Variants in PPIAL4G observed in about 807,000 individuals in gnomAD.
PPIAL4G encodes peptidylprolyl isomerase A like 4G, also known as peptidyl-prolyl cis-trans isomerase A-like 4G.
Under a neutral mutation model 7.8 loss-of-function variants are expected in PPIAL4G, and 3 were observed. The ratio of observed to expected loss-of-function variants is 0.39; its 90% CI spans 0.18 to 1.00. PPIAL4G has a LOEUF of 1.00. Among genes scored for constraint, PPIAL4G ranks in the 50% least tolerant of loss-of-function variants. PPIAL4G has a pLI of 0.37. For synonymous variants in PPIAL4G, 42 were observed against 73.3 expected, an observed-to-expected ratio of 0.57 and a Z score of 2.18; for missense variants, 133 against 208.6, an observed-to-expected ratio of 0.64 and a Z score of 2.23.
At position 148,483,128 on chromosome 1, in the gene PPIAL4G, C is replaced by T; in HGVS notation, c.125G>A (p.Gly42Glu). The change falls in exon 1 of 1, where the codon GGA (glycine) becomes GAA (glutamate). Residue 42 changes from glycine to glutamate, a missense_variant. Physicochemically the swap from Gly to Glu is moderately conservative, Grantham distance 98 (BLOSUM62 -2). Coordinates refer to ENST00000419275, the MANE Select transcript of PPIAL4G (RefSeq NM_001123068.3). ...ACCCTTATAACGAAATCCTTTCTCTCCAGTGCTCAGAGCACGAAAGTTTTC... is the reference window on the plus strand; with the variant it reads ...ACCCTTATAACGAAATCCTTTCTCTTCAGTGCTCAGAGCACGAAAGTTTTC... ...TAENFRALST[G>E]EKGFRYKGSC... 1 of 1,613,678 alleles carries T rather than the reference C, an allele frequency of 6.2e-7. No individual in the cohort carries two copies. Among genetic ancestry groups the T allele is most frequent in the Non-Finnish European group, 8.5e-7 (1 of 1,179,868 alleles).
chr1:148,483,285 C>A lies in PPIAL4G; in HGVS notation c.-33G>T. 6.2e-7 allele frequency: 1 copy of A among 1,612,944 alleles called. No homozygotes were observed. Among genetic ancestry groups the A allele is most frequent in the South Asian group, 1.1e-5 (1 of 91,020 alleles). On this transcript the variant is annotated 5_prime_UTR_variant, in exon 1 of 1. Coordinates refer to ENST00000419275, the MANE Select transcript of PPIAL4G (RefSeq NM_001123068.3). ...AGTACAGGGCTCACAGCGATGGCGG[C>A]GTCTGCAAAGATAACCACTGATCTT...
chr1:148,483,271 C>G lies in PPIAL4G; in HGVS notation c.-19G>C. The G allele has an allele frequency of 6.2e-7, 1 of 1,613,384 alleles. No individual in the cohort carries two copies. Among genetic ancestry groups the G allele is most frequent in the Non-Finnish European group, 8.5e-7 (1 of 1,179,914 alleles). ...TGACCATGGCTGATAGTACAGGGCT[C>G]ACAGCGATGGCGGCGTCTGCAAAGA... On this transcript the variant is annotated 5_prime_UTR_variant, in exon 1 of 1. Transcript: ENST00000419275.
In PPIAL4G at chr1:148,483,035, G is replaced by A. The variant is rs1384539206; in HGVS notation, c.218C>T (p.Thr73Ile). ...CTCCCCATAGATGGACTTGTCACCGGTGCCATTAGGGTGTGTGAAGTCACC... is the reference window on the plus strand; with the variant it reads ...CTCCCCATAGATGGACTTGTCACCGATGCCATTAGGGTGTGTGAAGTCACC... ...QGGDFTHPNG[T>I]GDKSIYGEKF... Residue 73 changes from threonine to isoleucine, a missense_variant, in exon 1 of 1, where the codon ACC (threonine) becomes ATC (isoleucine). Around this residue, in one of 2 missense-constraint regions of PPIAL4G, gnomAD observed 105 missense variants for 107.1 expected, o/e 0.98. Coordinates refer to ENST00000419275, the MANE Select transcript of PPIAL4G (RefSeq NM_001123068.3). 1.7e-5 allele frequency: 28 copies of A among 1,613,168 alleles called. No homozygotes were observed. The highest frequency in any genetic ancestry group is 1.7e-5 in the Admixed American group (1 of 60,006).
At position 148,482,622 on chromosome 1, in the gene PPIAL4G, A is replaced by T. The variant is rs1405636960; in HGVS notation, c.*136T>A. 8.3e-7 allele frequency: 1 copy of T among 1,201,842 alleles called. No homozygotes were observed. 74.4% of individuals were successfully genotyped at this position (1,201,842 alleles called of 1,614,324 possible). On this transcript the variant is annotated 3_prime_UTR_variant, in exon 1 of 1. Coordinates refer to ENST00000419275, the MANE Select transcript of PPIAL4G (RefSeq NM_001123068.3). ...GCTAGGCATGGAAGGGAACAAGGAA[A>T]ACATGGAACCCAAAGGGAACTGCAG...
Position 148,483,227 on chromosome 1 carries a change from T to C in PPIAL4G, c.26A>G (p.Asp9Gly). 6.2e-7 allele frequency: 1 copy of C among 1,613,778 alleles called. No homozygotes were observed. Among genetic ancestry groups the C allele is most frequent in the Non-Finnish European group, 8.5e-7 (1 of 1,179,874 alleles). The change falls in exon 1 of 1, where the codon GAC becomes GGC. Residue 9 changes from aspartate (D) to glycine (G), a missense_variant. By Grantham distance (94) the Asp-to-Gly change is moderately conservative (BLOSUM62 -1). This residue lies in a region of PPIAL4G where 105 missense variants were observed against 107.1 expected (regional missense o/e 0.98). Transcript: ENST00000419275. Reference sequence around the variant, plus strand: ...CAAGGGCTTGCCGTCGACGGTGATGTCAAAAAAGATGACGGAGTTGACCAT... The same window carrying C: ...CAAGGGCTTGCCGTCGACGGTGATGCCAAAAAAGATGACGGAGTTGACCAT... MVNSVIFF[D>G]ITVDGKPLGR...
In PPIAL4G at chr1:148,483,247, G is replaced by A. The variant is rs1419501700; in HGVS notation, c.6C>T (p.Val2=). The change falls in exon 1 of 1, where the codon GTC becomes GTT. Residue 2 remains valine, a synonymous_variant. Coordinates refer to ENST00000419275, the MANE Select transcript of PPIAL4G (RefSeq NM_001123068.3). M[V]NSVIFFDITV... ...TGATGTCAAAAAAGATGACGGAGTT[G>A]ACCATGGCTGATAGTACAGGGCTCA... 2.5e-6 allele frequency: 4 copies of A among 1,613,572 alleles called. No homozygotes were observed. In the South Asian group the frequency reaches 3.3e-5, roughly 13 times the overall value.
In PPIAL4G at chr1:148,483,302, A is replaced by G. The variant is rs1381880160; in HGVS notation, c.-50T>C. On this transcript the variant is annotated 5_prime_UTR_variant, in exon 1 of 1. Coordinates refer to ENST00000419275, the MANE Select transcript of PPIAL4G (RefSeq NM_001123068.3). ...GATGGCGGCGTCTGCAAAGATAACC[A>G]CTGATCTTTTTACTGTCTTTATAGT... 3.7e-6 allele frequency: 6 copies of G among 1,612,098 alleles called. No homozygotes were observed. In the African/African-American group the frequency reaches 5.4e-5, roughly 14 times the overall value.
Position 148,483,046 on chromosome 1 carries a change from G to T in PPIAL4G, c.207C>A (p.His69Gln). The T allele has an allele frequency of 1.9e-6, 3 of 1,613,294 alleles. No individual in the cohort carries two copies. Among genetic ancestry groups the T allele is most frequent in the East Asian group, 2.2e-5 (1 of 44,876 alleles). The part of the protein sequence containing the change: ...GFMCQGGDFT[H>Q]PNGTGDKSIY... ...TGGACTTGTCACCGGTGCCATTAGG[G>T]TGTGTGAAGTCACCACCCTGACACA... Residue 69 changes from histidine to glutamine, a missense_variant, in exon 1 of 1, where the codon CAC becomes CAA. Physicochemically the swap from His to Gln is conservative, Grantham distance 24. Transcript: ENST00000419275.
chr1:148,482,940 G>A lies in PPIAL4G; in HGVS notation c.313C>T (p.Pro105Ser), dbSNP rs1651919344. The A allele has an allele frequency of 1.2e-6, 2 of 1,610,628 alleles. No individual in the cohort carries two copies. Among genetic ancestry groups the A allele is most frequent in the East Asian group, 2.2e-5 (1 of 44,856 alleles). ...AAAAACTGGGAACCATTTGTGTTGGGTCCAGCATTTGCCATGGACAAGATG... is the reference window on the plus strand; with the variant it reads ...AAAAACTGGGAACCATTTGTGTTGGATCCAGCATTTGCCATGGACAAGATG... ...SGILSMANAG[P>S]NTNGSQFFIC... Residue 105 changes from proline to serine, a missense_variant, in exon 1 of 1, where the codon CCC becomes TCC. Transcript: ENST00000419275.
In PPIAL4G at chr1:148,482,579, A is replaced by T; in HGVS notation, c.*179T>A. On this transcript the variant is annotated 3_prime_UTR_variant, in exon 1 of 1. Transcript: ENST00000419275. ...CTTAGTTTTTATTTCATAATCATAA[A>T]CTTAACTCTGCAATCCAGCTAGGCA... 7.5e-7 allele frequency: 1 copy of T among 1,335,076 alleles called. No individual in the cohort carries two copies. Among genetic ancestry groups the T allele is most frequent in the Non-Finnish European group, 1.0e-6 (1 of 987,610 alleles). The allele number at this position is 1,335,076 out of a possible 1,614,324, so 82.7% of individuals were successfully genotyped here. A position where few individuals can be genotyped will look rare whatever the true frequency, so the allele number is the denominator to read the frequency against.
chr1:148,482,628 G>T lies in PPIAL4G; in HGVS notation c.*130C>A, dbSNP rs1402590744. 1.0e-5 allele frequency: 11 copies of T among 1,071,210 alleles called. No homozygotes were observed. Among genetic ancestry groups the T allele is most frequent in the Non-Finnish European group, 1.5e-5 (11 of 749,744 alleles). 66.4% of individuals were successfully genotyped at this position (1,071,210 alleles called of 1,614,324 possible). Reference sequence around the variant, plus strand: ...CATGGAAGGGAACAAGGAAAACATGGAACCCAAAGGGAACTGCAGCAAGAG... The same window carrying T: ...CATGGAAGGGAACAAGGAAAACATGTAACCCAAAGGGAACTGCAGCAAGAG... On this transcript the variant is annotated 3_prime_UTR_variant, in exon 1 of 1. Transcript: ENST00000419275.
chr1:148,483,286 G>T lies in PPIAL4G; in HGVS notation c.-34C>A, dbSNP rs2999782. On this transcript the variant is annotated 5_prime_UTR_variant, in exon 1 of 1. Transcript: ENST00000419275. The stretch of plus-strand genomic sequence containing the variant: ...GTACAGGGCTCACAGCGATGGCGGC[G>T]TCTGCAAAGATAACCACTGATCTTT... 6.2e-7 allele frequency: 1 copy of T among 1,612,898 alleles called. No homozygotes were observed. The highest frequency in any genetic ancestry group is 1.3e-5 in the African/African-American group (1 of 74,980).
chr1:148,483,069 A>G lies in PPIAL4G; in HGVS notation c.184T>C (p.Cys62Arg), dbSNP rs1553321541. ...CFHRIIPGFM[C>R]QGGDFTHPNG... Reference sequence around the variant, plus strand: ...GGGTGTGTGAAGTCACCACCCTGACACATAAACCCTGGAATAATTCTGTGA... The same window carrying G: ...GGGTGTGTGAAGTCACCACCCTGACGCATAAACCCTGGAATAATTCTGTGA... The change falls in exon 1 of 1, where the codon TGT (cysteine) becomes CGT (arginine). Residue 62 changes from cysteine to arginine, a missense_variant. Physicochemically the swap from Cys to Arg is radical, Grantham distance 180. Transcript: ENST00000419275. 1 of 1,613,356 alleles carries G rather than the reference A, an allele frequency of 6.2e-7. No individual in the cohort carries two copies. Among genetic ancestry groups the G allele is most frequent in the South Asian group, 1.1e-5 (1 of 91,032 alleles).
chr1:148,483,240 C>T lies in PPIAL4G; in HGVS notation c.13G>A (p.Val5Ile), dbSNP rs782231038. The T allele has an allele frequency of 5.6e-6, 9 of 1,613,570 alleles. No homozygotes were observed. The highest frequency in any genetic ancestry group is 4.5e-5 in the East Asian group (2 of 44,890). The change falls in exon 1 of 1, where the codon GTC becomes ATC. Residue 5 changes from valine to isoleucine, a missense_variant. Coordinates refer to ENST00000419275, the MANE Select transcript of PPIAL4G (RefSeq NM_001123068.3). ...TCGACGGTGATGTCAAAAAAGATGA[C>T]GGAGTTGACCATGGCTGATAGTACA... is the stretch of plus-strand genomic sequence containing the variant. MVNSVIFFDITVDGK... is the reference protein window; with the variant it reads MVNSIIFFDITVDGK...
chr1:148,483,162 T>A lies in PPIAL4G; in HGVS notation c.91A>T (p.Lys31Ter). The A allele has an allele frequency of 6.2e-7, 1 of 1,613,738 alleles. No homozygotes were observed. The highest frequency in any genetic ancestry group is 8.5e-7 in the Non-Finnish European group (1 of 1,179,872). ...SIKQFADKIP[K>*]TAENFRALST... ...AGAGCACGAAAGTTTTCTGCTGTCT[T>A]TGGAATCTTGTCTGCAAACTGTTTG... Residue 31 changes from lysine (K) to a stop codon, truncating the protein, a stop_gained, in exon 1 of 1, where the codon AAG (lysine) becomes TAG (stop). Coordinates refer to ENST00000419275, the MANE Select transcript of PPIAL4G (RefSeq NM_001123068.3). LOFTEE classifies it high-confidence loss of function.
chr1:148,483,185 T>C lies in PPIAL4G; in HGVS notation c.68A>G (p.Lys23Arg), dbSNP rs1651933004. The C allele has an allele frequency of 1.2e-6, 2 of 1,613,870 alleles. No individual in the cohort carries two copies. The highest frequency in any genetic ancestry group is 3.3e-5 in the Admixed American group (2 of 60,028). Residue 23 changes from lysine (K) to arginine (R), a missense_variant, in exon 1 of 1, where the codon AAA becomes AGA. Lys to Arg is a conservative substitution (Grantham distance 26). This residue lies in a region of PPIAL4G where 105 missense variants were observed against 107.1 expected (regional missense o/e 0.98). Coordinates refer to ENST00000419275, the MANE Select transcript of PPIAL4G (RefSeq NM_001123068.3). The part of the protein sequence containing the change: ...DGKPLGRISI[K>R]QFADKIPKTA... ...CTTTGGAATCTTGTCTGCAAACTGTTTGATGGAGATGCGGCCCAAGGGCTT... is the reference window on the plus strand; with the variant it reads ...CTTTGGAATCTTGTCTGCAAACTGTCTGATGGAGATGCGGCCCAAGGGCTT...
Position 148,482,708 on chromosome 1 carries a change from C to G in PPIAL4G, c.*50G>C. ...TGTGGTGGAGGGGTGCTCTCCTGAG[C>G]TACAGAAGGAATGGGTCTGGTGGTG... is the stretch of plus-strand genomic sequence containing the variant. On this transcript the variant is annotated 3_prime_UTR_variant, in exon 1 of 1. Coordinates refer to ENST00000419275, the MANE Select transcript of PPIAL4G (RefSeq NM_001123068.3). The G allele has an allele frequency of 1.2e-6, 1 of 829,560 alleles. No individual in the cohort carries two copies. The highest frequency in any genetic ancestry group is 1.9e-6 in the Non-Finnish European group (1 of 533,962). The allele number at this position is 829,560 out of a possible 1,614,324, so 51.4% of individuals were successfully genotyped here.
At position 148,483,284 on chromosome 1, in the gene PPIAL4G, G is replaced by A. The variant is rs782709432; in HGVS notation, c.-32C>T. 1.5e-5 allele frequency: 24 copies of A among 1,613,034 alleles called. 1 individual carries two copies. The highest frequency in any genetic ancestry group is 5.3e-5 in the African/African-American group (4 of 75,002). The stretch of plus-strand genomic sequence containing the variant: ...TAGTACAGGGCTCACAGCGATGGCG[G>A]CGTCTGCAAAGATAACCACTGATCT... On this transcript the variant is annotated 5_prime_UTR_variant, in exon 1 of 1. Coordinates refer to ENST00000419275, the MANE Select transcript of PPIAL4G (RefSeq NM_001123068.3).
rs1318982483 is a variant in PPIAL4G, at chr1:148,482,624, C to T, written c.*134G>A. 173 of 1,126,496 alleles carry T rather than the reference C, an allele frequency of 1.5e-4. 2 individuals carry two copies. The highest frequency in any genetic ancestry group is 2.0e-4 in the Non-Finnish European group (161 of 798,482). The allele number at this position is 1,126,496 out of a possible 1,614,324, so 69.8% of individuals were successfully genotyped here. A position where few individuals can be genotyped will look rare whatever the true frequency, so the allele number is the denominator to read the frequency against. On this transcript the variant is annotated 3_prime_UTR_variant, in exon 1 of 1. Transcript: ENST00000419275. ...TAGGCATGGAAGGGAACAAGGAAAA[C>T]ATGGAACCCAAAGGGAACTGCAGCA...
Sources: gnomAD v4.1 joint callset for allele counts on GRCh38, gnomAD v4.1.1 for gene constraint, gnomAD v4.1.1 regional missense constraint, MANE v1.5 for transcripts, NCBI Gene and HGNC (gene_info 2026-07-23, HGNC 2026-07-21) for gene names.